The following COL6A6 variants were observed in gnomAD, a reference collection of about 807,000 sequenced individuals.
COL6A6 encodes collagen alpha-6(VI) chain.
A neutral mutation model predicts 208.6 loss-of-function variants in COL6A6; 183 were observed. The ratio of observed to expected loss-of-function variants is 0.88; its 90% CI spans 0.78 to 0.99. COL6A6 has a LOEUF of 0.99. Ranked by LOEUF, COL6A6 falls within the 50% of genes least tolerant of loss-of-function variation. COL6A6 has a pLI of 0.00. For missense variants in COL6A6, 2,816 were observed against 2,815.2 expected (o/e 1.00, Z -0.01); for synonymous variants, 973 against 1,011.8 (o/e 0.96, Z 0.73).
rs763233806 is a variant in COL6A6, at chr3:130,581,786, G to A, written c.3773G>A (p.Ser1258Asn). ...EKYSPKFEIY[S>N]ENILNSLKDI... ...TATTCTCCCAAGTTTGAGATCTACAGTGAAAACATACTGAATAGCTTGAAG... is the reference window on the plus strand; with the variant it reads ...TATTCTCCCAAGTTTGAGATCTACAATGAAAACATACTGAATAGCTTGAAG... Residue 1258 changes from serine to asparagine, a missense_variant, in exon 9 of 37, where the codon AGT (serine) becomes AAT (asparagine). Transcript: ENST00000358511. 1 of 1,613,728 alleles carries A rather than the reference G, an allele frequency of 6.2e-7. No individual in the cohort carries two copies. The highest frequency in any genetic ancestry group is 1.7e-5 in the Admixed American group (1 of 60,012).
chr3:130,635,190 T>G (rs576103821), intron 27 of COL6A6, among the ~76,000 whole-genome samples: 1 of 151,854 alleles, frequency 6.6e-6, no homozygotes, highest in East Asian at 1.9e-4. Context: ...AGCTGAGATC[T>G]CTCCACTGCA....
At chr3:130,610,011 T>C (rs1313810180) in intron 22 of COL6A6, among the ~76,000 whole-genome samples, 3 of 148,158 alleles carry the variant, frequency 2.0e-5, no homozygotes, top group Non-Finnish European at 4.4e-5. Flanking sequence ...ACTGGGGTTG[T>C]GGGGAAGCAT....
chr3:130,576,882 A>C (rs1398333378), intron 8 of COL6A6, among the ~76,000 whole-genome samples: 1 of 152,226 alleles, frequency 6.6e-6, no homozygotes, highest in Non-Finnish European at 1.5e-5. Flanking sequence ...GGTATGGTTC[A>C]AAACAAACTG....
intron 1 of COL6A6, among the ~76,000 whole-genome samples, chr3:130,554,136 G>T (rs2107814281): frequency 6.6e-6 from 1 of 152,342 alleles, no homozygotes; most frequent in Non-Finnish European, 1.5e-5. Context: ...GCTAGCCAAA[G>T]TGCTTTGTTG....
chr3:130,530,338 C>T (rs1338242507), intron 1 of COL6A6, among the ~76,000 whole-genome samples: 2 of 152,046 alleles, frequency 1.3e-5, no homozygotes, highest in Non-Finnish European at 2.9e-5. Flanking sequence ...TGCCTGGCCT[C>T]AAAACCCTTG....
rs752049202 is a variant in COL6A6, at chr3:130,608,763, CTTTTTTTTTTTTTTTT to C, written c.4690-127_4690-112del. On this transcript the variant is annotated intron_variant, in intron 21 of 36. Transcript: ENST00000358511. The stretch of plus-strand genomic sequence containing the variant: ...CTTTGTATTTGCATTTATTTTTCAC[CTTTTTTTTTTTTTTTT>C]TTTTTTTTTTTGCAAAGATCCTGCA... 20 of 310,150 alleles carry C rather than the reference CTTTTTTTTTTTTTTTT, an allele frequency of 6.4e-5. 2 individuals carry two copies. Among genetic ancestry groups the C allele is most frequent in the East Asian group, 4.7e-4 (8 of 17,024 alleles). 19.2% of individuals were successfully genotyped at this position (310,150 alleles called of 1,614,324 possible).
At chr3:130,555,750 TG>T (rs1173037930) in intron 1 of COL6A6, among the ~76,000 whole-genome samples, 3 of 152,128 alleles carry the variant, frequency 2.0e-5, no homozygotes, top group African/African-American at 7.2e-5. Flanking sequence ...GGGTGTTTTT[TG>T]GTTTTTTTTG....
chr3:130,643,907 A>G (rs530584812), intron 31 of COL6A6, among the ~76,000 whole-genome samples: 6 of 152,320 alleles, frequency 3.9e-5, no homozygotes, highest in Non-Finnish European at 7.4e-5. Flanking sequence ...AGCAGAATAG[A>G]ACCATGATGG....
At chr3:130,617,117 A>T (rs2064553947) in intron 23 of COL6A6, among the ~76,000 whole-genome samples, 1 of 152,178 alleles carries the variant, frequency 6.6e-6, no homozygotes, top group Non-Finnish European at 1.5e-5. Flanking sequence ...AGTAATCAAC[A>T]AGTTTCATCA....
At chr3:130,657,985 C>A (rs2065838140) in intron 33 of COL6A6, among the ~76,000 whole-genome samples, 2 of 151,942 alleles carry the variant, frequency 1.3e-5, no homozygotes, top group South Asian at 4.1e-4. Flanking sequence ...CTTATCTTCC[C>A]CCTGTTCTCT....
intron 18 of COL6A6, among the ~76,000 whole-genome samples, chr3:130,596,521 TC>T (rs911140446): frequency 2.6e-5 from 4 of 152,234 alleles, no homozygotes; most frequent in African/African-American, 7.2e-5. Flanking sequence ...CATTACTATT[TC>T]AGGAAAAATT....
chr3:130,642,120 A>G (rs924551140), intron 29 of COL6A6, among the ~76,000 whole-genome samples: 7 of 151,832 alleles, frequency 4.6e-5, no homozygotes, highest in Non-Finnish European at 1.0e-4. Flanking sequence ...GCTCTGTTGC[A>G]TTTTTTTCTT....
chr3:130,662,309 G>C lies in COL6A6; in HGVS notation c.6502+1G>C. On this transcript the variant is annotated splice_donor_variant, in intron 35 of 36. Coordinates refer to ENST00000358511, the MANE Select transcript of COL6A6 (RefSeq NM_001102608.3). LOFTEE classifies it high-confidence loss of function. ...AAGTCCTTTATAAACTCAATCAGGCGTAAGTCATAAAATCTGTTGTTCTCT... is the reference window on the plus strand; with the variant it reads ...AAGTCCTTTATAAACTCAATCAGGCCTAAGTCATAAAATCTGTTGTTCTCT... The C allele has an allele frequency of 6.2e-7, 1 of 1,608,024 alleles. No individual in the cohort carries two copies. The highest frequency in any genetic ancestry group is 8.5e-7 in the Non-Finnish European group (1 of 1,176,184).
intron 14 of COL6A6, 24 bp from the exon 15 acceptor site, chr3:130,592,672 C>G: frequency 6.2e-7 from 1 of 1,612,850 alleles, no homozygotes; most frequent in Non-Finnish European, 8.5e-7. Context: ...CCTACACTAA[C>G]TATAACTGTC....
At chr3:130,532,110 C>T (rs2062111500) in intron 1 of COL6A6, among the ~76,000 whole-genome samples, 1 of 152,070 alleles carries the variant, frequency 6.6e-6, no homozygotes, top group South Asian at 2.1e-4. Context: ...CTGTGTCCTT[C>T]TGAGATTAAT....
intron 36 of COL6A6, among the ~76,000 whole-genome samples, chr3:130,673,454 C>T (rs58964195): frequency 2.0e-5 from 3 of 146,630 alleles, no homozygotes; most frequent in South Asian, 2.2e-4. Context: ...AAGGACCTAA[C>T]GGAAAAGGCG....
At chr3:130,655,483 T>C (rs1342664091) in intron 33 of COL6A6, among the ~76,000 whole-genome samples, 2 of 152,144 alleles carry the variant, frequency 1.3e-5, no homozygotes, top group African/African-American at 4.8e-5. Flanking sequence ...TAAAAATTAC[T>C]CAAATAAACT....
chr3:130,621,912 G>A (rs370940472), intron 24 of COL6A6, 29 bp downstream of exon 24: 2 of 1,590,752 alleles, frequency 1.3e-6, no homozygotes, highest in South Asian at 1.1e-5. Context: ...ACTCACCAAA[G>A]TTGAGGTTTT....
At chr3:130,618,889 C>A (rs1284343030) in intron 23 of COL6A6, among the ~76,000 whole-genome samples, 1 of 152,190 alleles carries the variant, frequency 6.6e-6, no homozygotes, top group Admixed American at 6.5e-5. Context: ...CAAAATCATC[C>A]TCTGTCTCAG....
Sources: gnomAD v4.1 joint callset for allele counts (sites outside exome capture counted in the v4.1 genomes callset) on GRCh38, gnomAD v4.1.1 for gene constraint, MANE v1.5 for transcripts, NCBI Gene and HGNC (gene_info 2026-07-23, HGNC 2026-07-21) for gene names.